WASHC4: variants seen among roughly 807,000 people sequenced by gnomAD.
WASHC4 encodes WASH complex subunit 7.
In WASHC4, 86 loss-of-function variants were observed where a neutral mutation model predicts 166.6. That is an observed-to-expected ratio of 0.52 (90% CI 0.43 to 0.62). WASHC4 has a LOEUF of 0.62. WASHC4 is among the 20% of genes least tolerant of loss of function. WASHC4 has a pLI of 0.00. For missense variants in WASHC4, 1,262 were observed against 1,382.4 expected, an observed-to-expected ratio of 0.91 and a Z score of 1.38; for synonymous variants, 446 against 451.6, an observed-to-expected ratio of 0.99 and a Z score of 0.16.
rs770830161 is a variant in WASHC4 at position 105,143,205 on chromosome 12, G to T, written c.1972G>T (p.Asp658Tyr). The change falls in exon 20 of 33, where the codon GAT becomes TAT. Residue 658 changes from aspartate to tyrosine, a missense_variant. Transcript: ENST00000332180. ...TTTAGAGTCCTATGAGATACTTCTG[G>T]ATTGCTATGACAAGGAAATTATGGA... is the stretch of plus-strand genomic sequence containing the variant. Reference protein sequence around the residue: ...RHLESYEILLDCYDKEIMEIL... With the variant: ...RHLESYEILLYCYDKEIMEIL... 9 of 1,605,952 alleles carry T rather than the reference G, an allele frequency of 5.6e-6. No homozygotes were observed. Among genetic ancestry groups the T allele is most frequent in the South Asian group, 2.2e-5 (2 of 90,862 alleles).
chr12:105,156,850 T>A, intron 27 of WASHC4, 58 bp downstream of exon 27: 1 of 1,185,898 alleles, frequency 8.4e-7, no homozygotes. Flanking sequence ...TTGTGTCCAT[T>A]AAATATATGT....
At chr12:105,154,055 G>T (rs1325447135) in intron 26 of WASHC4, among the ~76,000 whole-genome samples, 1 of 146,522 alleles carries the variant, frequency 6.8e-6, no homozygotes, top group African/African-American at 2.5e-5. Flanking sequence ...TTTTGAGACA[G>T]AGTCTTGCTC....
intron 14 of WASHC4, among the ~76,000 whole-genome samples, chr12:105,134,886 C>T (rs769097332): frequency 1.3e-5 from 2 of 151,546 alleles, no homozygotes; most frequent in South Asian, 4.2e-4. Context: ...TTCTGTGTCC[C>T]TTTTCTTTTC....
chr12:105,114,270 G>GTACA lies in WASHC4; in HGVS notation c.255+2_255+5dup. On this transcript the variant is annotated splice_donor_variant, in intron 3 of 32. Coordinates refer to ENST00000332180, the MANE Select transcript of WASHC4 (RefSeq NM_015275.3). LOFTEE classifies it high-confidence loss of function. Reference sequence around the variant, plus strand: ...GGAACTCATAAAGACTGAAAACAAGGTACAGAATCCTAAATCTAAAAAATT... The same window carrying GTACA: ...GGAACTCATAAAGACTGAAAACAAGGTACATACAGAATCCTAAATCTAAAAAATT... The GTACA allele has an allele frequency of 6.2e-7, 1 of 1,608,890 alleles. No homozygotes were observed. Among genetic ancestry groups the GTACA allele is most frequent in the East Asian group, 2.2e-5 (1 of 44,720 alleles).
intron 24 of WASHC4, chr12:105,147,622 A>G (rs1483250510): frequency 1.0e-6 from 1 of 1,000,604 alleles, no homozygotes; most frequent in African/African-American, 1.7e-5. Flanking sequence ...ATGGGCATTC[A>G]CCGCTTGGCG....
Position 105,115,673 on chromosome 12 carries a change from G to A in WASHC4, c.380G>A (p.Ser127Asn), listed in dbSNP as rs756341705. ...TTGCCTTTTACAGCTACAGATGCCA[G>A]CATGGTGGAAGGTGATTGCCAAATT... Reference protein sequence around the residue: ...LFYGEGATDASMVEGDCQIQM... With the variant: ...LFYGEGATDANMVEGDCQIQM... The change falls in exon 6 of 33, where the codon AGC (serine) becomes AAC (asparagine). Residue 127 changes from serine to asparagine, a missense_variant. Transcript: ENST00000332180. 1 of 1,608,668 alleles carries A rather than the reference G, an allele frequency of 6.2e-7. No homozygotes were observed. The highest frequency in any genetic ancestry group is 2.2e-5 in the East Asian group (1 of 44,754).
At chr12:105,130,267 G>A (rs1454492244) in intron 13 of WASHC4, among the ~76,000 whole-genome samples, 1 of 152,220 alleles carries the variant, frequency 6.6e-6, no homozygotes, top group Non-Finnish European at 1.5e-5. Flanking sequence ...TCAAACCAGT[G>A]CCAATCCTAT....
intron 24 of WASHC4, chr12:105,147,399 T>C: frequency 2.0e-6 from 1 of 497,530 alleles, no homozygotes. Flanking sequence ...TGCTAGATAT[T>C]TGAGGACATC....
chr12:105,112,206 A>G (rs1396359860), intron 2 of WASHC4, among the ~76,000 whole-genome samples: 1 of 152,112 alleles, frequency 6.6e-6, no homozygotes, highest in Non-Finnish European at 1.5e-5. Context: ...AGGCTCATCT[A>G]TGTTGTCACA....
At chr12:105,153,063 G>C (rs911746259) in intron 26 of WASHC4, among the ~76,000 whole-genome samples, 1 of 152,120 alleles carries the variant, frequency 6.6e-6, no homozygotes, top group Non-Finnish European at 1.5e-5. Context: ...TCGTTTTAAA[G>C]ATGAAAAAAG....
chr12:105,146,904 T>A, intron 23 of WASHC4, 138 bp from the exon 24 acceptor site: 1 of 688,774 alleles, frequency 1.5e-6, no homozygotes. Context: ...TTAAGGATAC[T>A]CACCTGTACT....
chr12:105,140,175 AG>A (rs2135789557), intron 15 of WASHC4, 118 bp from the exon 16 acceptor site: 1 of 782,610 alleles, frequency 1.3e-6, no homozygotes, highest in East Asian at 2.6e-5. Flanking sequence ...CAGGACTGTA[AG>A]GTTTTTTTGT....
At position 105,164,288 on chromosome 12, in the gene WASHC4, G is replaced by A. The variant is rs1884673859; in HGVS notation, c.3335G>A (p.Arg1112Gln). ...LLQTMNLTQK[R>Q]LDVYLQEFEL... ...CAAACCATGAATCTCACTCAGAAGC[G>A]ACTGGATGTCTATCTACAGGTAGAG... is the stretch of plus-strand genomic sequence containing the variant. The change falls in exon 31 of 33, where the codon CGA becomes CAA. Residue 1112 changes from arginine to glutamine, a missense_variant. Coordinates refer to ENST00000332180, the MANE Select transcript of WASHC4 (RefSeq NM_015275.3). The A allele has an allele frequency of 6.2e-7, 1 of 1,613,816 alleles. No individual in the cohort carries two copies. The highest frequency in any genetic ancestry group is 8.5e-7 in the Non-Finnish European group (1 of 1,179,824).
At chr12:105,134,644 CTG>C (rs373438245) in intron 14 of WASHC4, among the ~76,000 whole-genome samples, 8 of 151,968 alleles carry the variant, frequency 5.3e-5, no homozygotes, top group African/African-American at 1.4e-4. Flanking sequence ...TTAACTATAA[CTG>C]TTTTCTTTTA....
At chr12:105,162,719 T>G in intron 29 of WASHC4, 30 bp from the exon 30 acceptor site, 5 of 1,170,468 alleles carry the variant, frequency 4.3e-6, no homozygotes, top group Non-Finnish European at 6.4e-6. Context: ...AGCAAAATTG[T>G]TTTTCTAACA....
chr12:105,114,370 C>T lies in WASHC4; in HGVS notation c.264C>T (p.Asn88=), dbSNP rs1468541815. ...ELIKTENKVL[N]KVITVYAALC... ...TTTACTCATGAAACTAGGTCTTAAA[C>T]AAAGTCATCACTGTTTATGCTGCAC... The change falls in exon 4 of 33, where the codon AAC becomes AAT. Residue 88 remains asparagine, a synonymous_variant. Transcript: ENST00000332180. The T allele has an allele frequency of 3.1e-6, 5 of 1,599,670 alleles. No homozygotes were observed. Among genetic ancestry groups the T allele is most frequent in the Non-Finnish European group, 4.3e-6 (5 of 1,171,340 alleles).
At chr12:105,136,866 T>G (rs986726703) in intron 14 of WASHC4, among the ~76,000 whole-genome samples, 1 of 152,140 alleles carries the variant, frequency 6.6e-6, no homozygotes, top group Non-Finnish European at 1.5e-5. Flanking sequence ...CAGAGAAACT[T>G]TGTGTGTGGT....
chr12:105,109,638 T>C, intron 1 of WASHC4, among the ~76,000 whole-genome samples: 1 of 150,362 alleles, frequency 6.7e-6, no homozygotes, highest in Non-Finnish European at 1.5e-5. Flanking sequence ...GTGGTGTTTC[T>C]CTAGCATTGT....
intron 12 of WASHC4, 39 bp from the exon 13 acceptor site, chr12:105,127,090 C>T (rs1278636935): frequency 1.3e-6 from 2 of 1,562,852 alleles, no homozygotes; most frequent in Non-Finnish European, 8.8e-7. Flanking sequence ...GTTTAGCCTG[C>T]ATTTAATGAA....
Sources: allele counts gnomAD v4.1 joint callset (sites outside exome capture counted in the v4.1 genomes callset), GRCh38; gene constraint gnomAD v4.1.1; transcripts MANE v1.5; gene names NCBI Gene and HGNC (gene_info 2026-07-23, HGNC 2026-07-21).